Variants in BCL7A observed in about 807,000 individuals in gnomAD.
BCL7A encodes B-cell CLL/lymphoma 7 protein family member A.
A neutral mutation model predicts 28.4 loss-of-function variants in BCL7A; 11 were observed. The ratio of observed to expected loss-of-function variants is 0.39; its 90% CI spans 0.24 to 0.64. The LOEUF is 0.64. Among genes scored for constraint, BCL7A ranks in the 30% least tolerant of loss-of-function variants. The pLI is 0.50. For missense variants in BCL7A, 222 were observed against 274.8 expected, an observed-to-expected ratio of 0.81 and a Z score of 1.36; for synonymous variants, 123 against 103.3, an observed-to-expected ratio of 1.19 and a Z score of -1.15.
At chr12:122,056,410 T>A (rs1484239827) in intron 5 of BCL7A, among the ~76,000 whole-genome samples, 2 of 152,130 alleles carry the variant, frequency 1.3e-5, no homozygotes, top group African/African-American at 4.8e-5. Context: ...TTCCACCATT[T>A]TCACAGGCAC....
At chr12:122,052,662 G>GT (rs1038512092) in intron 4 of BCL7A, among the ~76,000 whole-genome samples, 2 of 151,756 alleles carry the variant, frequency 1.3e-5, no homozygotes, top group African/African-American at 4.8e-5. Context: ...CTTTCTTTTT[G>GT]TTTTTTTATT....
chr12:122,038,211 C>T (rs1883894160), intron 3 of BCL7A, among the ~76,000 whole-genome samples: 1 of 151,822 alleles, frequency 6.6e-6, no homozygotes, highest in South Asian at 2.1e-4. Flanking sequence ...GTGGGCGGGT[C>T]ACTTGAGGCC....
intron 1 of BCL7A, 138 bp downstream of exon 1, chr12:122,022,321 C>A: frequency 3.1e-6 from 1 of 324,362 alleles, no homozygotes; most frequent in Non-Finnish European, 4.3e-6. Flanking sequence ...TTGGCGAGGG[C>A]GGGCGGACGG....
At chr12:122,053,027 A>C (rs34739240) in intron 4 of BCL7A, among the ~76,000 whole-genome samples, 58,104 of 149,382 alleles carry the variant, frequency 0.39, 11,564 homozygotes, top group Middle Eastern at 0.51. Flanking sequence ...AGACAGTCTT[A>C]CTCTGTCGCC....
At chr12:122,043,688 G>A (rs2135852066) in intron 3 of BCL7A, among the ~76,000 whole-genome samples, 198 bp from the exon 4 acceptor site, 1 of 150,554 alleles carries the variant, frequency 6.6e-6, no homozygotes, top group East Asian at 2.0e-4. Flanking sequence ...AGTGAGCCAA[G>A]ATTGCACCAC....
chr12:122,047,873 G>C (rs1884108342), intron 4 of BCL7A, among the ~76,000 whole-genome samples: 1 of 145,832 alleles, frequency 6.9e-6, no homozygotes, highest in South Asian at 2.2e-4. Context: ...AGGTGGAAAA[G>C]TGGAAAAGAA....
chr12:122,024,022 G>T (rs1678970), intron 1 of BCL7A, among the ~76,000 whole-genome samples: 2 of 151,874 alleles, frequency 1.3e-5, no homozygotes, highest in Non-Finnish European at 2.9e-5. Flanking sequence ...CCCGCAGAGC[G>T]GCCAGCTGCT....
chr12:122,042,672 A>C (rs1161512447), intron 3 of BCL7A, among the ~76,000 whole-genome samples: 1 of 151,924 alleles, frequency 6.6e-6, no homozygotes, highest in African/African-American at 2.4e-5. Context: ...AAAAAGTGTA[A>C]AAGTTCAGGG....
At position 122,029,984 on chromosome 12, in the gene BCL7A, C is replaced by T. The variant is rs1249941733; in HGVS notation, c.93-716C>T. Among the ~76,000 whole-genome samples, 1 of 152,168 alleles carries T rather than the reference C, an allele frequency of 6.6e-6. No individual in the cohort carries two copies. Among genetic ancestry groups the T allele is most frequent in the Non-Finnish European group, 1.5e-5 (1 of 68,022 alleles). Reference sequence around the variant, plus strand: ...TTTCTCCTCATCCATAAACCTGCCTCTCACAGTGGGGGGTCTGGACTCCGT... The same window carrying T: ...TTTCTCCTCATCCATAAACCTGCCTTTCACAGTGGGGGGTCTGGACTCCGT... On this transcript the variant is annotated intron_variant, in intron 1 of 5. Coordinates refer to ENST00000261822, the MANE Select transcript of BCL7A (RefSeq NM_001024808.3). This position sits in a 1 kb window ranked among gnomAD's most constrained non-coding sequence, Gnocchi z 4.3.
intron 4 of BCL7A, chr12:122,044,419 A>G (rs1288233139): frequency 5.0e-6 from 1 of 198,182 alleles, no homozygotes; most frequent in Non-Finnish European, 1.0e-5. Flanking sequence ...AGGTCGGAGG[A>G]TCACTTGAGC....
At chr12:122,040,228 G>A (rs140520251) in intron 3 of BCL7A, among the ~76,000 whole-genome samples, 11 of 152,282 alleles carry the variant, frequency 7.2e-5, no homozygotes, top group African/African-American at 2.4e-4. Context: ...TTGGTTCTTT[G>A]AAGACAGAAT....
chr12:122,022,033 C>T lies in BCL7A; in HGVS notation c.-59C>T. On this transcript the variant is annotated 5_prime_UTR_variant, in exon 1 of 6. Coordinates refer to ENST00000261822, the MANE Select transcript of BCL7A (RefSeq NM_001024808.3). Reference sequence around the variant, plus strand: ...CGGGCGGGCGCGAGTGTGGCCGCCGCGGAGCGCGAGCAGGACCCGGCGGGC... The same window carrying T: ...CGGGCGGGCGCGAGTGTGGCCGCCGTGGAGCGCGAGCAGGACCCGGCGGGC... 6.8e-7 allele frequency: 1 copy of T among 1,466,152 alleles called. No homozygotes were observed. Among genetic ancestry groups the T allele is most frequent in the South Asian group, 1.2e-5 (1 of 81,742 alleles). 90.8% of individuals were successfully genotyped at this position (1,466,152 alleles called of 1,614,324 possible).
chr12:122,022,725 C>T (rs1337556895), intron 1 of BCL7A, among the ~76,000 whole-genome samples: 1 of 149,500 alleles, frequency 6.7e-6, no homozygotes, highest in Non-Finnish European at 1.5e-5. Context: ...CTCCCGCCTC[C>T]CGGGCCCGGC....
Position 122,061,137 on chromosome 12 carries a change from A to T in BCL7A, c.*1974A>T, listed in dbSNP as rs1951917759. Reference sequence around the variant, plus strand: ...GAGTCACATTTTTCTTTGCAGCGAAACTCCATCTTGGTGAGAGATGAATTT... The same window carrying T: ...GAGTCACATTTTTCTTTGCAGCGAATCTCCATCTTGGTGAGAGATGAATTT... On this transcript the variant is annotated 3_prime_UTR_variant, in exon 6 of 6. Coordinates refer to ENST00000261822, the MANE Select transcript of BCL7A (RefSeq NM_001024808.3). 4.4e-6 allele frequency: 1 copy of T among 225,508 alleles called. No homozygotes were observed. The highest frequency in any genetic ancestry group is 2.2e-5 in the African/African-American group (1 of 44,720). 14.0% of individuals were successfully genotyped at this position (225,508 alleles called of 1,614,324 possible).
Position 122,044,041 on chromosome 12 carries a change from C to T in BCL7A, c.427C>T (p.Pro143Ser). Residue 143 changes from proline (P) to serine (S), a missense_variant, in exon 4 of 6, where the codon CCA becomes TCA. Pro to Ser is a moderately conservative substitution (Grantham distance 74). Coordinates refer to ENST00000261822, the MANE Select transcript of BCL7A (RefSeq NM_001024808.3). ...GGCCCAGGCTGATGGGAAGGAGCAC[C>T]CAGGAGCTGAAGGTATGTGGCCTCT... The part of the protein sequence containing the change: ...DEAQADGKEH[P>S]GAEDASDEQN... 1 of 1,613,384 alleles carries T rather than the reference C, an allele frequency of 6.2e-7. No individual in the cohort carries two copies. The highest frequency in any genetic ancestry group is 8.5e-7 in the Non-Finnish European group (1 of 1,179,730).
At chr12:122,035,557 C>G (rs1273771881) in intron 3 of BCL7A, 130 bp downstream of exon 3, 3 of 759,682 alleles carry the variant, frequency 3.9e-6, no homozygotes, top group Non-Finnish European at 6.4e-6. Flanking sequence ...GGGCAGGGCC[C>G]GGCGGCCTCT....
chr12:122,051,195 C>A (rs1316787), intron 4 of BCL7A, among the ~76,000 whole-genome samples: 73,886 of 151,908 alleles, frequency 0.49, 18,645 homozygotes, highest in African/African-American at 0.63. Context: ...GGTGGGACCT[C>A]CACCAGGGTC....
chr12:122,038,716 G>A (rs1883907372), intron 3 of BCL7A, among the ~76,000 whole-genome samples: 1 of 152,092 alleles, frequency 6.6e-6, no homozygotes. Flanking sequence ...ACCCCACCTG[G>A]GTTCACATCC....
At position 122,061,631 on chromosome 12, in the gene BCL7A, G is replaced by A. The variant is rs1951924228; in HGVS notation, c.*2468G>A. On this transcript the variant is annotated 3_prime_UTR_variant, in exon 6 of 6. Transcript: ENST00000261822. ...CTTTCAGCTTCGAGCCAGGGGGCGG[G>A]GGATCCCGAGCAAAAGCCTTCCGTG... 1 of 230,632 alleles carries A rather than the reference G, an allele frequency of 4.3e-6. No individual in the cohort carries two copies. The highest frequency in any genetic ancestry group is 8.6e-6 in the Non-Finnish European group (1 of 116,386). 14.3% of individuals were successfully genotyped at this position (230,632 alleles called of 1,614,324 possible). A position where few individuals can be genotyped will look rare whatever the true frequency, so the allele number is the denominator to read the frequency against.
Sources: gnomAD v4.1 joint callset for allele counts (sites outside exome capture counted in the v4.1 genomes callset) on GRCh38, gnomAD v4.1.1 for gene constraint, Gnocchi (gnomAD v3.1) non-coding constraint, MANE v1.5 for transcripts, NCBI Gene and HGNC (gene_info 2026-07-23, HGNC 2026-07-21) for gene names.